Variants in VPS13D observed in about 807,000 individuals in gnomAD.
The protein encoded by VPS13D is vacuolar protein sorting 13 homolog D, also known as intermembrane lipid transfer protein VPS13D.
VPS13D carries 187 observed loss-of-function variants against 461.9 expected under a neutral mutation model. The observed-to-expected ratio is 0.40, with a 90% CI of 0.36 to 0.46. The LOEUF is 0.46. VPS13D is among the 20% of genes least tolerant of loss of function. The pLI is 0.60. For synonymous variants in VPS13D, 1,951 were observed against 1,986.3 expected (o/e 0.98, Z 0.47); for missense variants, 4,711 against 5,364.9 (o/e 0.88, Z 3.81).
chr1:12,479,810 A>C (rs1387341552), intron 67 of VPS13D, among the ~76,000 whole-genome samples: 1 of 152,200 alleles, frequency 6.6e-6, no homozygotes, highest in Non-Finnish European at 1.5e-5. Context: ...ATCTGCCTAT[A>C]GCCCAGAAGA....
chr1:12,318,435 C>A, intron 31 of VPS13D, 98 bp downstream of exon 31: 1 of 1,440,562 alleles, frequency 6.9e-7, no homozygotes, highest in Non-Finnish European at 9.4e-7. Flanking sequence ...CCATTTTTCA[C>A]GTGAGCACTT....
At chr1:12,345,817 A>G (rs1039175804) in intron 43 of VPS13D, among the ~76,000 whole-genome samples, 1 of 152,160 alleles carries the variant, frequency 6.6e-6, no homozygotes, top group Non-Finnish European at 1.5e-5. Context: ...TTTATTTCAC[A>G]TATTGTTATG....
intron 52 of VPS13D, 86 bp downstream of exon 52, chr1:12,363,333 C>A (rs1028581002): frequency 7.1e-7 from 1 of 1,409,762 alleles, no homozygotes. Flanking sequence ...GTAAAATGGG[C>A]ACAAATATTT....
intron 65 of VPS13D, among the ~76,000 whole-genome samples, chr1:12,437,068 C>A (rs910870163): frequency 6.6e-6 from 1 of 152,052 alleles, no homozygotes; most frequent in Non-Finnish European, 1.5e-5. Context: ...GTGTGTGTGG[C>A]GGCGGGAGGG....
chr1:12,254,188 C>T (rs1235221567), intron 7 of VPS13D, among the ~76,000 whole-genome samples: 2 of 152,098 alleles, frequency 1.3e-5, no homozygotes, highest in Non-Finnish European at 2.9e-5. Context: ...ACTTACACAT[C>T]GAGATGTTTT....
At chr1:12,354,594 A>G (rs962807555) in intron 47 of VPS13D, among the ~76,000 whole-genome samples, 1 of 152,256 alleles carries the variant, frequency 6.6e-6, no homozygotes, top group Non-Finnish European at 1.5e-5. Flanking sequence ...AAAGGTTTAC[A>G]GAGGAGGCAC....
chr1:12,344,705 C>T (rs957068513), intron 42 of VPS13D, among the ~76,000 whole-genome samples: 1 of 152,170 alleles, frequency 6.6e-6, no homozygotes, highest in African/African-American at 2.4e-5. Flanking sequence ...TGGCACACTG[C>T]ACCCCACTCC....
chr1:12,459,971 A>C (rs1440443547), intron 66 of VPS13D, among the ~76,000 whole-genome samples: 1 of 104,906 alleles, frequency 9.5e-6, no homozygotes. Context: ...TTTTTTTTTG[A>C]ACTGGAGCAC....
Position 12,415,212 on chromosome 1 carries a change from T to C in VPS13D, c.12156T>C (p.His4052=), listed in dbSNP as rs147406998. The change falls in exon 64 of 70, where the codon CAT becomes CAC. Residue 4052 remains histidine, a synonymous_variant. Coordinates refer to ENST00000620676, the MANE Select transcript of VPS13D (RefSeq NM_015378.4). ...TCATCATCAATGATATCCTCAAACA[T>C]TTCCAGGAGGTGAGGCTTGGAGAAG... is the stretch of plus-strand genomic sequence containing the variant. ...KEFIINDILK[H]FQEELLSQAA... 9.3e-6 allele frequency: 15 copies of C among 1,613,976 alleles called. No individual in the cohort carries two copies. Among genetic ancestry groups the C allele is most frequent in the African/African-American group, 2.7e-5 (2 of 74,940 alleles).
chr1:12,281,675 T>G (rs1483863221), intron 20 of VPS13D, among the ~76,000 whole-genome samples: 1 of 152,100 alleles, frequency 6.6e-6, no homozygotes, highest in Non-Finnish European at 1.5e-5. Context: ...ATAATTGTAT[T>G]TAGGTGGCAA....
chr1:12,282,050 G>C (rs1480650297), intron 20 of VPS13D, among the ~76,000 whole-genome samples: 1 of 151,988 alleles, frequency 6.6e-6, no homozygotes, highest in Non-Finnish European at 1.5e-5. Context: ...ACCACACTCT[G>C]CTAATTTTGT....
Position 12,506,901 on chromosome 1 carries a change from C to T in VPS13D, c.12843C>T (p.Ser4281=). 6.2e-7 allele frequency: 1 copy of T among 1,614,242 alleles called. No individual in the cohort carries two copies. Among genetic ancestry groups the T allele is most frequent in the Non-Finnish European group, 8.5e-7 (1 of 1,180,052 alleles). The stretch of plus-strand genomic sequence containing the variant: ...ACAGCTACTGCGTGCTCATCTCCTC[C>T]AAAGCTGTTTACTTCCTGAAAAGTG... ...NIDSYCVLIS[S]KAVYFLKSGD... Residue 4281 remains serine, a synonymous_variant, in exon 69 of 70, where the codon TCC becomes TCT. Transcript: ENST00000620676.
rs1642944287 is a variant in VPS13D at position 12,318,333 on chromosome 1, A to G, written c.7410A>G (p.Val2470=). 1 of 1,608,044 alleles carries G rather than the reference A, an allele frequency of 6.2e-7. No individual in the cohort carries two copies. Among genetic ancestry groups the G allele is most frequent in the Admixed American group, 1.7e-5 (1 of 59,930 alleles). The change falls in exon 31 of 70, where the codon GTA becomes GTG. Residue 2470 remains valine, a synonymous_variant. Transcript: ENST00000620676. ...GGCACCTGGAGGTCAAGGTCAATGT[A>G]ACAGGTGATTATATGTGGGTGTGAT... ...NERHLEVKVN[V]TGTEFVVIED...
At chr1:12,453,864 G>A (rs191810563) in intron 65 of VPS13D, 2 of 152,304 alleles carry the variant, frequency 1.3e-5, no homozygotes, top group Admixed American at 1.3e-4. Context: ...AGCTGGAAAG[G>A]ATTTTGGAAA....
At chr1:12,324,788 G>A (rs867570023) in intron 35 of VPS13D, among the ~76,000 whole-genome samples, 6 of 152,172 alleles carry the variant, frequency 3.9e-5, no homozygotes, top group Non-Finnish European at 2.9e-5. Flanking sequence ...ACCATTTATT[G>A]AAGTCCTGTA....
intron 5 of VPS13D, among the ~76,000 whole-genome samples, chr1:12,245,488 G>A (rs1640519863): frequency 6.6e-6 from 1 of 152,146 alleles, no homozygotes; most frequent in South Asian, 2.1e-4. Flanking sequence ...ACAATTTAAT[G>A]TTTTTTAGTA....
At position 12,314,299 on chromosome 1, in the gene VPS13D, G is replaced by A. The variant is rs907678881; in HGVS notation, c.7120G>A (p.Gly2374Arg). The stretch of plus-strand genomic sequence containing the variant: ...CGCTAAGAACAGCAGCACCACCCAA[G>A]GGTCCATTCAGATTGAACTACATTT... ...QPAKNSSTTQ[G>R]SIQIELHFRS... Residue 2374 changes from glycine to arginine, a missense_variant, in exon 30 of 70, where the codon GGG becomes AGG. Gly to Arg is a moderately radical substitution (Grantham distance 125). Around this residue, in one of 3 missense-constraint regions of VPS13D, gnomAD observed 4,411 missense variants for 4,937.8 expected, o/e 0.89. Coordinates refer to ENST00000620676, the MANE Select transcript of VPS13D (RefSeq NM_015378.4). 25 of 1,613,986 alleles carry A rather than the reference G, an allele frequency of 1.5e-5. No homozygotes were observed. Among genetic ancestry groups the A allele is most frequent in the Non-Finnish European group, 2.1e-5 (25 of 1,179,900 alleles).
intron 65 of VPS13D, among the ~76,000 whole-genome samples, chr1:12,453,688 T>C (rs902674744): frequency 2.0e-5 from 3 of 152,182 alleles, no homozygotes; most frequent in African/African-American, 7.2e-5. Context: ...GCTGACTGTT[T>C]TGTGTATACG....
At chr1:12,440,312 G>A (rs959571578) in intron 65 of VPS13D, among the ~76,000 whole-genome samples, 3 of 152,178 alleles carry the variant, frequency 2.0e-5, no homozygotes, top group Admixed American at 6.5e-5. Context: ...TGAAAAATAA[G>A]AGGTGGTGTC....
Sources: gnomAD v4.1 joint callset for allele counts (sites outside exome capture counted in the v4.1 genomes callset) on GRCh38, gnomAD v4.1.1 for gene constraint, gnomAD v4.1.1 regional missense constraint, MANE v1.5 for transcripts, NCBI Gene and HGNC (gene_info 2026-07-23, HGNC 2026-07-21) for gene names.